RNF138: variants seen among roughly 807,000 people sequenced by gnomAD.
RNF138 encodes the protein ring finger protein 138, also known as E3 ubiquitin-protein ligase RNF138.
Under a neutral mutation model 31.0 loss-of-function variants are expected in RNF138, and 12 were observed. That is an observed-to-expected ratio of 0.39 (90% CI 0.25 to 0.63). The LOEUF is 0.63. RNF138 is among the 20% of genes least tolerant of loss of function. The pLI is 0.52. For missense variants in RNF138, 192 were observed against 300.1 expected, an observed-to-expected ratio of 0.64 and a Z score of 2.66; for synonymous variants, 105 against 99.5, an observed-to-expected ratio of 1.06 and a Z score of -0.33.
At position 32,129,301 on chromosome 18, in the gene RNF138, C is replaced by T; in HGVS notation, c.*114C>T. The stretch of plus-strand genomic sequence containing the variant: ...TGTATATTAATAAAAGTAATTCAGT[C>T]ATTTTAGTTTTTGATTGAAAATAAA... On this transcript the variant is annotated 3_prime_UTR_variant, in exon 8 of 8. Coordinates refer to ENST00000261593, the MANE Select transcript of RNF138 (RefSeq NM_016271.5). 1.5e-6 allele frequency: 1 copy of T among 664,084 alleles called. No individual in the cohort carries two copies. Among genetic ancestry groups the T allele is most frequent in the Non-Finnish European group, 2.6e-6 (1 of 384,844 alleles). 41.1% of individuals were successfully genotyped at this position (664,084 alleles called of 1,614,324 possible).
chr18:32,121,136 A>AG (rs1364166611), intron 4 of RNF138, among the ~76,000 whole-genome samples: 5 of 112,484 alleles, frequency 4.4e-5, no homozygotes, highest in African/African-American at 1.3e-4. Context: ...ACTGTCTCAA[A>AG]AAAAAACAAA....
At chr18:32,113,214 C>T (rs1335923595) in intron 3 of RNF138, among the ~76,000 whole-genome samples, 1 of 152,072 alleles carries the variant, frequency 6.6e-6, no homozygotes, top group Non-Finnish European at 1.5e-5. Flanking sequence ...GCTGAGATTA[C>T]ACCTGGCTAA....
At chr18:32,129,066 A>C in intron 7 of RNF138, 53 bp from the exon 8 acceptor site, 1 of 1,216,314 alleles carries the variant, frequency 8.2e-7, no homozygotes, top group Non-Finnish European at 1.2e-6. Flanking sequence ...TGGGCAAAGT[A>C]TTAGAGTAGT....
chr18:32,100,508 T>C (rs1414844355), intron 2 of RNF138, among the ~76,000 whole-genome samples: 1 of 132,590 alleles, frequency 7.5e-6, no homozygotes, highest in Non-Finnish European at 1.6e-5. Context: ...GGAGTTTTGC[T>C]CTTGTTGGCC....
rs199752645 is a variant in RNF138 at position 32,129,197 on chromosome 18, A to G, written c.*10A>G. On this transcript the variant is annotated 3_prime_UTR_variant, in exon 8 of 8. Coordinates refer to ENST00000261593, the MANE Select transcript of RNF138 (RefSeq NM_016271.5). Reference sequence around the variant, plus strand: ...TCAAGTAAACATCTGAAGGCTGTAGACATCTCTGCATCTTTGTACCTGCAA... The same window carrying G: ...TCAAGTAAACATCTGAAGGCTGTAGGCATCTCTGCATCTTTGTACCTGCAA... 176 of 1,600,974 alleles carry G rather than the reference A, an allele frequency of 1.1e-4. No homozygotes were observed. In the African/African-American group the frequency reaches 2.0e-3, roughly 18 times the overall value.
intron 4 of RNF138, 66 bp from the exon 5 acceptor site, chr18:32,123,452 G>A (rs1299912747): frequency 1.0e-5 from 10 of 974,762 alleles, no homozygotes; most frequent in Non-Finnish European, 1.5e-5. Context: ...AATGGTTCAA[G>A]ATAATGAACC....
chr18:32,120,109 A>T (rs2144270544), intron 4 of RNF138, among the ~76,000 whole-genome samples: 1 of 152,256 alleles, frequency 6.6e-6, no homozygotes, highest in Non-Finnish European at 1.5e-5. Context: ...AATAGCAGGC[A>T]CCTTTTCTTG....
At position 32,130,961 on chromosome 18, in the gene RNF138, C is replaced by A. The variant is rs1439272886; in HGVS notation, c.*1774C>A. On this transcript the variant is annotated 3_prime_UTR_variant, in exon 8 of 8. Transcript: ENST00000261593. ...TTTTCCAGTTTAAAGCAATAACTTT[C>A]ATAGTTTCTTTCAAAGTTTAATACA... 1 of 152,300 alleles carries A rather than the reference C, an allele frequency of 6.6e-6. No individual in the cohort carries two copies. The highest frequency in any genetic ancestry group is 1.5e-5 in the Non-Finnish European group (1 of 67,888). The allele number at this position is 152,300 out of a possible 1,614,324, so 9.4% of individuals were successfully genotyped here.
chr18:32,092,564 G>GGA, intron 1 of RNF138, 136 bp from the exon 2 acceptor site: 1 of 555,516 alleles, frequency 1.8e-6, no homozygotes, highest in Non-Finnish European at 3.2e-6. Flanking sequence ...AGGAGCCGTG[G>GGA]GAGGGGTCGC....
At chr18:32,093,427 C>T (rs1466516921) in intron 2 of RNF138, among the ~76,000 whole-genome samples, 2 of 152,152 alleles carry the variant, frequency 1.3e-5, no homozygotes, top group South Asian at 2.1e-4. Context: ...CTGTAACTTC[C>T]CCTCAACCCT....
At chr18:32,115,902 T>G (rs1160368250) in intron 4 of RNF138, among the ~76,000 whole-genome samples, 2 of 152,150 alleles carry the variant, frequency 1.3e-5, no homozygotes, top group Non-Finnish European at 2.9e-5. Context: ...ATTTGTTCCC[T>G]CTCTTTGCCA....
At chr18:32,096,018 G>A (rs150937871) in intron 2 of RNF138, among the ~76,000 whole-genome samples, 1 of 152,176 alleles carries the variant, frequency 6.6e-6, no homozygotes, top group Non-Finnish European at 1.5e-5. Context: ...AGTCAAGGAG[G>A]GTACAGAGGA....
intron 4 of RNF138, among the ~76,000 whole-genome samples, chr18:32,116,496 T>C (rs2040217953): frequency 6.6e-6 from 1 of 151,934 alleles, no homozygotes; most frequent in East Asian, 1.9e-4. Flanking sequence ...AGTAAGAAAA[T>C]TGGCAAAGGA....
chr18:32,122,326 AAAAG>A (rs1432293322), intron 4 of RNF138: 5 of 152,174 alleles, frequency 3.3e-5, no homozygotes, highest in African/African-American at 1.2e-4. Flanking sequence ...AAGTAAACAG[AAAAG>A]AAAGATCAGC....
intron 2 of RNF138, among the ~76,000 whole-genome samples, chr18:32,093,516 T>C (rs1388494375): frequency 1.3e-5 from 2 of 152,224 alleles, no homozygotes; most frequent in Non-Finnish European, 2.9e-5. Context: ...ATGAGTTTTC[T>C]TCTCTGGTCT....
intron 4 of RNF138, among the ~76,000 whole-genome samples, chr18:32,115,441 G>C (rs1032573306): frequency 6.6e-6 from 1 of 152,018 alleles, no homozygotes; most frequent in Non-Finnish European, 1.5e-5. Flanking sequence ...TAATATTAAT[G>C]AAGTATAAAA....
intron 2 of RNF138, among the ~76,000 whole-genome samples, chr18:32,095,725 A>C (rs1415130108): frequency 6.6e-6 from 1 of 152,224 alleles, no homozygotes; most frequent in African/African-American, 2.4e-5. Flanking sequence ...TTATCATTAG[A>C]ATAACATTAC....
rs372489868 is a variant in RNF138 at position 32,101,425 on chromosome 18, G to T, written c.110+8539G>T. On this transcript the variant is annotated intron_variant, in intron 2 of 7. Coordinates refer to ENST00000261593, the MANE Select transcript of RNF138 (RefSeq NM_016271.5). ...TATATATTTTTAAATTAGAGTCAGG[G>T]TTTCACCATGTTGGCCAGATTGGTC... Among the ~76,000 whole-genome samples, 7 of 151,952 alleles carry T rather than the reference G, an allele frequency of 4.6e-5. No homozygotes were observed. The East Asian group carries it at 1.3e-3, about 29-fold the overall frequency.
At chr18:32,098,396 A>C (rs1222450159) in intron 2 of RNF138, among the ~76,000 whole-genome samples, 1 of 152,114 alleles carries the variant, frequency 6.6e-6, no homozygotes, top group Non-Finnish European at 1.5e-5. Flanking sequence ...CAGTCCTCCC[A>C]CCTGAGCCTC....
Sources: allele counts gnomAD v4.1 joint callset (sites outside exome capture counted in the v4.1 genomes callset), GRCh38; gene constraint gnomAD v4.1.1; transcripts MANE v1.5; gene names NCBI Gene and HGNC (gene_info 2026-07-23, HGNC 2026-07-21).